FAM110B: variants seen among roughly 807,000 people sequenced by gnomAD.
FAM110B encodes family with sequence similarity 110 member B, also known as protein FAM110B.
In FAM110B, 6 loss-of-function variants were observed where a neutral mutation model predicts 20.4. That is an observed-to-expected ratio of 0.29 (90% CI 0.16 to 0.58). The LOEUF is 0.58. Among genes scored for constraint, FAM110B ranks in the 20% least tolerant of loss-of-function variants. The pLI is 0.90. For synonymous variants in FAM110B, 226 were observed against 214.1 expected, an observed-to-expected ratio of 1.06 and a Z score of -0.49; for missense variants, 434 against 498.2, an observed-to-expected ratio of 0.87 and a Z score of 1.23.
At chr8:58,060,444 A>T (rs1805632268) in intron 2 of FAM110B, among the ~76,000 whole-genome samples, 1 of 152,200 alleles carries the variant, frequency 6.6e-6, no homozygotes, top group Non-Finnish European at 1.5e-5. Context: ...GTGGCCCAAA[A>T]CTAATAAATC....
chr8:58,032,862 A>C (rs1804995014), intron 2 of FAM110B, among the ~76,000 whole-genome samples: 1 of 152,148 alleles, frequency 6.6e-6, no homozygotes, highest in South Asian at 2.1e-4. Context: ...TTCTGTGGTA[A>C]ATCCACTTCA....
At chr8:58,128,867 C>G (rs1807578399) in intron 3 of FAM110B, among the ~76,000 whole-genome samples, 1 of 152,008 alleles carries the variant, frequency 6.6e-6, no homozygotes, top group Admixed American at 6.6e-5. Context: ...CATCATCTCC[C>G]TAGGATAACT....
chr8:58,093,821 C>A (rs1362068847), intron 3 of FAM110B, among the ~76,000 whole-genome samples: 1 of 152,018 alleles, frequency 6.6e-6, no homozygotes, highest in Admixed American at 6.5e-5. Context: ...AGCATTGAAT[C>A]TATAAGTTAC....
At chr8:58,106,535 G>A (rs900411182) in intron 3 of FAM110B, among the ~76,000 whole-genome samples, 1 of 152,196 alleles carries the variant, frequency 6.6e-6, no homozygotes, top group East Asian at 1.9e-4. Context: ...GACACTGCTC[G>A]TGATCTGGGA....
intron 1 of FAM110B, among the ~76,000 whole-genome samples, chr8:58,010,270 C>T (rs1403885619): frequency 6.6e-5 from 10 of 152,060 alleles, no homozygotes; most frequent in Non-Finnish European, 1.3e-4. Flanking sequence ...GATCTACCCG[C>T]CTTGGCCTCC....
intron 3 of FAM110B, among the ~76,000 whole-genome samples, chr8:58,139,836 A>C (rs1214081238): frequency 6.6e-6 from 1 of 152,160 alleles, no homozygotes; most frequent in East Asian, 1.9e-4. Flanking sequence ...AGGCTGAGGC[A>C]GGAGAATGGG....
At chr8:58,017,557 G>T (rs1417117664) in intron 1 of FAM110B, among the ~76,000 whole-genome samples, 2 of 152,172 alleles carry the variant, frequency 1.3e-5, no homozygotes, top group Non-Finnish European at 2.9e-5. Context: ...GAGGAATTGT[G>T]GAAGAGGGTG....
chr8:58,146,284 G>A lies in FAM110B; in HGVS notation c.54G>A (p.Ala18=). The A allele has an allele frequency of 2.5e-6, 4 of 1,613,486 alleles. No individual in the cohort carries two copies. The highest frequency in any genetic ancestry group is 2.2e-5 in the South Asian group (2 of 91,052). The change falls in exon 4 of 4, where the codon GCG becomes GCA. Residue 18 remains alanine (A), a synonymous_variant. Transcript: ENST00000519262. ...TGSMVKPVSP[A]GTFTSAVPLR... ...GCATGGTGAAGCCGGTCAGCCCCGC[G>A]GGCACCTTCACCTCTGCTGTGCCCC...
chr8:58,083,146 A>G (rs1281103965), intron 3 of FAM110B, among the ~76,000 whole-genome samples: 1 of 152,224 alleles, frequency 6.6e-6, no homozygotes, highest in African/African-American at 2.4e-5. Context: ...TCTGACAGCA[A>G]CATCTTCAGA....
At chr8:58,057,984 C>T (rs888498014) in intron 2 of FAM110B, among the ~76,000 whole-genome samples, 6 of 152,212 alleles carry the variant, frequency 3.9e-5, no homozygotes, top group Admixed American at 2.0e-4. Flanking sequence ...GTCACTGAGA[C>T]CATTTTGCCC....
intron 3 of FAM110B, among the ~76,000 whole-genome samples, chr8:58,120,270 C>T (rs1807324629): frequency 6.6e-6 from 1 of 152,136 alleles, no homozygotes; most frequent in African/African-American, 2.4e-5. Flanking sequence ...TGTTTTTCAT[C>T]TTCCTGATCT....
At chr8:58,011,722 G>A (rs1298956423) in intron 1 of FAM110B, among the ~76,000 whole-genome samples, 1 of 152,178 alleles carries the variant, frequency 6.6e-6, no homozygotes, top group Non-Finnish European at 1.5e-5. Flanking sequence ...AATATTGCCA[G>A]TAGAGCTCTC....
intron 2 of FAM110B, among the ~76,000 whole-genome samples, chr8:58,072,943 G>A (rs966877491): frequency 6.6e-6 from 1 of 152,180 alleles, no homozygotes; most frequent in Non-Finnish European, 1.5e-5. Flanking sequence ...AGTTTCCATG[G>A]CAATATCTAT....
intron 1 of FAM110B, among the ~76,000 whole-genome samples, chr8:58,017,736 C>T (rs1303623266): frequency 6.6e-6 from 1 of 152,184 alleles, no homozygotes; most frequent in Non-Finnish European, 1.5e-5. Flanking sequence ...TTGGAATCAA[C>T]ACACAATTGG....
intron 3 of FAM110B, among the ~76,000 whole-genome samples, chr8:58,085,682 AT>A (rs1806315902): frequency 6.6e-6 from 1 of 152,196 alleles, no homozygotes; most frequent in African/African-American, 2.4e-5. Flanking sequence ...TTTATGAAAC[AT>A]TTTAAGATCA....
intron 3 of FAM110B, among the ~76,000 whole-genome samples, chr8:58,129,041 G>A (rs1288460333): frequency 1.3e-5 from 2 of 152,174 alleles, no homozygotes; most frequent in East Asian, 1.9e-4. Context: ...GAATGCCTTA[G>A]TAAATAAAAT....
At chr8:58,142,033 T>G (rs911396479) in intron 3 of FAM110B, among the ~76,000 whole-genome samples, 4 of 152,234 alleles carry the variant, frequency 2.6e-5, no homozygotes, top group Non-Finnish European at 4.4e-5. Flanking sequence ...CCTGTTCACC[T>G]GACTGCACCT....
At chr8:58,001,470 T>C (rs180962638) in intron 1 of FAM110B, among the ~76,000 whole-genome samples, 24 of 152,286 alleles carry the variant, frequency 1.6e-4, no homozygotes, top group East Asian at 5.8e-4. Flanking sequence ...CTTGCCTCAA[T>C]GTGACATGTG....
intron 2 of FAM110B, among the ~76,000 whole-genome samples, chr8:58,049,976 A>G (rs1563351274): frequency 6.6e-6 from 1 of 152,220 alleles, no homozygotes; most frequent in African/African-American, 2.4e-5. Flanking sequence ...TTTTCCTAAT[A>G]TACCTCATAG....
Sources: gnomAD v4.1 joint callset for allele counts (sites outside exome capture counted in the v4.1 genomes callset) on GRCh38, gnomAD v4.1.1 for gene constraint, MANE v1.5 for transcripts, NCBI Gene and HGNC (gene_info 2026-07-23, HGNC 2026-07-21) for gene names.